PTPRG: variants seen among roughly 807,000 people sequenced by gnomAD.
The protein encoded by PTPRG is protein tyrosine phosphatase receptor type G.
PTPRG carries 102 observed loss-of-function variants against 165.3 expected under a neutral mutation model. That is an observed-to-expected ratio of 0.62 (90% CI 0.53 to 0.73). The LOEUF is 0.73. Among genes scored for constraint, PTPRG ranks in the 30% least tolerant of loss-of-function variants. The pLI, the probability that PTPRG is intolerant of heterozygous loss-of-function variation, is 0.00. For synonymous variants in PTPRG, 675 were observed against 669.5 expected (o/e 1.01, Z -0.13); for missense variants, 1,866 against 1,861.4 (o/e 1.00, Z -0.05).
intron 5 of PTPRG, among the ~76,000 whole-genome samples, chr3:62,121,444 C>G (rs1004107534): frequency 6.6e-6 from 1 of 152,082 alleles, no homozygotes; most frequent in Non-Finnish European, 1.5e-5. Flanking sequence ...TTCACTTTCC[C>G]ATGACTATAC....
chr3:61,869,118 G>C (rs113178065), intron 2 of PTPRG, among the ~76,000 whole-genome samples: 2 of 152,286 alleles, frequency 1.3e-5, no homozygotes, highest in Admixed American at 6.5e-5. Context: ...TATTGGTCCA[G>C]CTTTACCATC....
chr3:62,049,567 T>TAAA (rs10668943), intron 4 of PTPRG, among the ~76,000 whole-genome samples: 150,752 of 152,288 alleles, frequency 0.99, 74,625 homozygotes, highest in Middle Eastern at 1. Context: ...TTGCACCCAG[T>TAAA]ATCATCAACT....
At chr3:62,288,445 C>T (rs1356056716) in intron 28 of PTPRG, among the ~76,000 whole-genome samples, 1 of 152,046 alleles carries the variant, frequency 6.6e-6, no homozygotes, top group Non-Finnish European at 1.5e-5. Context: ...GAGGCCAAGG[C>T]GGGCAGATCA....
At chr3:61,775,785 G>A (rs1321526364) in intron 2 of PTPRG, among the ~76,000 whole-genome samples, 1 of 152,038 alleles carries the variant, frequency 6.6e-6, no homozygotes, top group African/African-American at 2.4e-5. Context: ...TAGGGACATG[G>A]ATGAAGCCGG....
chr3:61,919,201 C>T (rs2039017486), intron 2 of PTPRG, among the ~76,000 whole-genome samples: 1 of 152,146 alleles, frequency 6.6e-6, no homozygotes, highest in South Asian at 2.1e-4. Flanking sequence ...GGAGTCTAGC[C>T]ATCAGATACC....
chr3:62,292,333 T>C, intron 28 of PTPRG, 88 bp from the exon 29 acceptor site: 1 of 1,390,084 alleles, frequency 7.2e-7, no homozygotes, highest in Non-Finnish European at 9.8e-7. Flanking sequence ...CTACTTAGTT[T>C]CTATGAAAAT....
chr3:61,964,709 G>A (rs943000224), intron 2 of PTPRG, among the ~76,000 whole-genome samples: 9 of 151,908 alleles, frequency 5.9e-5, no homozygotes, highest in East Asian at 1.9e-4. Context: ...TCCTTTGTCC[G>A]TCCTTGTGTC....
chr3:61,700,558 G>C (rs1262363132), intron 1 of PTPRG, among the ~76,000 whole-genome samples: 1 of 152,064 alleles, frequency 6.6e-6, no homozygotes, highest in Middle Eastern at 3.2e-3. Context: ...ACATATTTCT[G>C]TTTAATTTAC....
At chr3:61,790,692 GAA>G in intron 2 of PTPRG, among the ~76,000 whole-genome samples, 1 of 151,194 alleles carries the variant, frequency 6.6e-6, no homozygotes, top group East Asian at 1.9e-4. Flanking sequence ...CATTACAAGA[GAA>G]ATTCTCAGTC....
At chr3:62,246,205 G>A (rs913419721) in intron 15 of PTPRG, among the ~76,000 whole-genome samples, 2 of 152,110 alleles carry the variant, frequency 1.3e-5, no homozygotes, top group African/African-American at 4.8e-5. Flanking sequence ...AGGCATTCTT[G>A]ACAAGCTGTA....
Position 61,610,702 on chromosome 3 carries a change from C to A in PTPRG, c.85+48330C>A, listed in dbSNP as rs976770977. Among the ~76,000 whole-genome samples the A allele has an allele frequency of 3.9e-5, 6 of 152,024 alleles. No individual in the cohort carries two copies. In the East Asian group the frequency reaches 1.2e-3, roughly 29 times the overall value. ...CACAGGTAGGTAGTTATTTTCGTTT[C>A]ACTCACTTGAGTATTACTTATTCTC... On this transcript the variant is annotated intron_variant, in intron 1 of 29. Transcript: ENST00000474889.
At chr3:61,971,907 T>G (rs368111861) in intron 2 of PTPRG, among the ~76,000 whole-genome samples, 1 of 152,252 alleles carries the variant, frequency 6.6e-6, no homozygotes, top group Non-Finnish European at 1.5e-5. Context: ...GAAACTGCGT[T>G]GTTATTTGTG....
chr3:62,282,682 T>G, intron 27 of PTPRG, 45 bp from the exon 28 acceptor site: 1 of 1,563,314 alleles, frequency 6.4e-7, no homozygotes, highest in Non-Finnish European at 8.6e-7. Flanking sequence ...ATTGTAGATA[T>G]GTGAAATAAA....
At chr3:61,767,116 C>T (rs1308469579) in intron 2 of PTPRG, among the ~76,000 whole-genome samples, 4 of 151,456 alleles carry the variant, frequency 2.6e-5, no homozygotes, top group East Asian at 2.0e-4. Context: ...TGGTGGTGCA[C>T]GCCTGTAGTC....
intron 1 of PTPRG, among the ~76,000 whole-genome samples, chr3:61,653,175 GT>G (rs200892654): frequency 3.9e-4 from 58 of 149,922 alleles, no homozygotes; most frequent in East Asian, 2.5e-3. Context: ...CATCCTGATA[GT>G]TTTTTTTTTC....
chr3:61,767,797 C>A (rs757507385), intron 2 of PTPRG, among the ~76,000 whole-genome samples: 6 of 151,460 alleles, frequency 4.0e-5, no homozygotes, highest in Non-Finnish European at 7.4e-5. Context: ...AGTGGGATCC[C>A]GTTTGTACCA....
At chr3:61,944,885 T>A (rs1008175379) in intron 2 of PTPRG, among the ~76,000 whole-genome samples, 2 of 152,194 alleles carry the variant, frequency 1.3e-5, no homozygotes, top group Non-Finnish European at 2.9e-5. Flanking sequence ...TCCTCCCACC[T>A]GCACCTGGAC....
At position 62,089,759 on chromosome 3, in the gene PTPRG, A is replaced by G. The variant is rs571058579; in HGVS notation, c.615+11501A>G. Among the ~76,000 whole-genome samples, 85 of 152,308 alleles carry G rather than the reference A, an allele frequency of 5.6e-4. 1 individual carries two copies. In the South Asian group the frequency reaches 0.017, roughly 30 times the overall value. On this transcript the variant is annotated intron_variant, in intron 5 of 29. Transcript: ENST00000474889. Reference sequence around the variant, plus strand: ...GTTCTCTGAGTATGTATTAAGTTGTATGATTTTTTTGTGAGTGTGCAAATT... The same window carrying G: ...GTTCTCTGAGTATGTATTAAGTTGTGTGATTTTTTTGTGAGTGTGCAAATT...
At chr3:61,785,128 G>T (rs2034655451) in intron 2 of PTPRG, among the ~76,000 whole-genome samples, 1 of 152,180 alleles carries the variant, frequency 6.6e-6, no homozygotes, top group South Asian at 2.1e-4. Context: ...ACAGGCAACT[G>T]CTAACCATTT....
Sources: gnomAD v4.1 joint callset for allele counts (sites outside exome capture counted in the v4.1 genomes callset) on GRCh38, gnomAD v4.1.1 for gene constraint, MANE v1.5 for transcripts, NCBI Gene and HGNC (gene_info 2026-07-23, HGNC 2026-07-21) for gene names.